ACYP2: variants seen among roughly 807,000 people sequenced by gnomAD.
ACYP2 encodes the protein acylphosphatase 2, also known as acylphosphatase-2.
ACYP2 carries 12 observed loss-of-function variants against 11.2 expected under a neutral mutation model. That is an observed-to-expected ratio of 1.08 (90% CI 0.69 to 1.74). ACYP2 has a LOEUF of 1.74. ACYP2 is among the 40% of genes most tolerant of loss of function. The pLI is 0.00. For synonymous variants in ACYP2, 43 were observed against 32.2 expected, an observed-to-expected ratio of 1.33 and a Z score of -1.13; for missense variants, 134 against 101.9, an observed-to-expected ratio of 1.31 and a Z score of -1.35.
At chr2:54,236,746 T>A (rs1686495324) in intron 6 of ACYP2, among the ~76,000 whole-genome samples, 1 of 152,202 alleles carries the variant, frequency 6.6e-6, no homozygotes, top group Non-Finnish European at 1.5e-5. Flanking sequence ...ATAAATTATC[T>A]GATATACCTG....
intron 2 of ACYP2, among the ~76,000 whole-genome samples, chr2:54,009,127 T>G (rs1443030065): frequency 6.6e-6 from 1 of 150,556 alleles, no homozygotes; most frequent in Non-Finnish European, 1.5e-5. Context: ...CACTCCAGTC[T>G]GGGCAACAGA....
At chr2:53,998,501 A>G (rs979376422) in intron 2 of ACYP2, among the ~76,000 whole-genome samples, 3 of 152,182 alleles carry the variant, frequency 2.0e-5, no homozygotes, top group East Asian at 3.9e-4. Flanking sequence ...GACCCAAAAT[A>G]TTAGTGACTT....
chr2:54,186,377 A>G (rs1252312523), intron 6 of ACYP2, among the ~76,000 whole-genome samples: 3 of 152,226 alleles, frequency 2.0e-5, no homozygotes, highest in Non-Finnish European at 2.9e-5. Context: ...TTGCAAGACT[A>G]ATTAACAGTA....
chr2:54,115,803 A>G, intron 4 of ACYP2, 47 bp downstream of exon 1: 2 of 1,534,888 alleles, frequency 1.3e-6, no homozygotes, highest in Non-Finnish European at 1.8e-6. Context: ...TATGGGAGGA[A>G]GGGGAGAAAG....
At chr2:54,262,064 T>C (rs1343003198) in intron 6 of ACYP2, among the ~76,000 whole-genome samples, 4 of 152,208 alleles carry the variant, frequency 2.6e-5, no homozygotes, top group Non-Finnish European at 5.9e-5. Flanking sequence ...GTAGCACTCA[T>C]AGAAAGAAAA....
At chr2:53,992,859 A>G (rs1011316012) in intron 2 of ACYP2, among the ~76,000 whole-genome samples, 2 of 150,798 alleles carry the variant, frequency 1.3e-5, no homozygotes, top group African/African-American at 4.9e-5. Flanking sequence ...TTTTCCAGTG[A>G]CGGGAAGCAA....
At chr2:53,992,673 A>G (rs1239211300) in intron 2 of ACYP2, among the ~76,000 whole-genome samples, 1 of 151,948 alleles carries the variant, frequency 6.6e-6, no homozygotes, top group East Asian at 1.9e-4. Context: ...TCTACTAAAA[A>G]TACAAAAATT....
At chr2:54,235,836 AAACC>A (rs753407080) in intron 6 of ACYP2, among the ~76,000 whole-genome samples, 3 of 152,208 alleles carry the variant, frequency 2.0e-5, no homozygotes, top group African/African-American at 4.8e-5. Context: ...CCCTGTCTCA[AAACC>A]AACCAACCAA....
intron 2 of ACYP2, among the ~76,000 whole-genome samples, chr2:54,046,863 AC>A (rs1249761151): frequency 1.3e-5 from 2 of 152,200 alleles, no homozygotes; most frequent in Non-Finnish European, 2.9e-5. Context: ...AAAAGAGTGA[AC>A]ATCTGAGTCT....
At chr2:54,113,360 A>G (rs1296565622) in intron 4 of ACYP2, among the ~76,000 whole-genome samples, 1 of 151,510 alleles carries the variant, frequency 6.6e-6, no homozygotes, top group East Asian at 1.9e-4. Context: ...CTCCCACCTC[A>G]GCCTCCCAAG....
intron 6 of ACYP2, among the ~76,000 whole-genome samples, chr2:54,226,249 T>A (rs902831289): frequency 1.3e-5 from 2 of 152,200 alleles, no homozygotes; most frequent in Non-Finnish European, 2.9e-5. Flanking sequence ...AAAAAATATT[T>A]AAATACCCAA....
At chr2:54,132,912 T>G (rs1558556111) in intron 4 of ACYP2, among the ~76,000 whole-genome samples, 1 of 151,992 alleles carries the variant, frequency 6.6e-6, no homozygotes. Context: ...GCCCAGCTAA[T>G]TTTTGTATTT....
intron 4 of ACYP2, among the ~76,000 whole-genome samples, chr2:54,097,238 T>C (rs1678642465): frequency 1.3e-5 from 2 of 152,220 alleles, no homozygotes; most frequent in South Asian, 4.1e-4. Flanking sequence ...CTCACAGCAC[T>C]TACCCACTTC....
chr2:54,242,542 A>G (rs950519441), intron 6 of ACYP2, among the ~76,000 whole-genome samples: 7 of 152,266 alleles, frequency 4.6e-5, no homozygotes, highest in African/African-American at 9.6e-5. Flanking sequence ...CATATGCCAC[A>G]TAATTCAACA....
At chr2:54,032,518 G>A (rs1674638672) in intron 2 of ACYP2, among the ~76,000 whole-genome samples, 1 of 152,138 alleles carries the variant, frequency 6.6e-6, no homozygotes, top group South Asian at 2.1e-4. Flanking sequence ...ATGCTGCTTT[G>A]GTTACTGTAG....
At chr2:54,155,154 C>A (rs868316345) in intron 6 of ACYP2, among the ~76,000 whole-genome samples, 1 of 151,882 alleles carries the variant, frequency 6.6e-6, no homozygotes, top group South Asian at 2.1e-4. Flanking sequence ...TCTTTTATTT[C>A]TCATTTTATT....
chr2:54,038,869 A>C (rs1404756629), intron 2 of ACYP2, among the ~76,000 whole-genome samples: 4 of 151,882 alleles, frequency 2.6e-5, no homozygotes, highest in African/African-American at 9.7e-5. Context: ...TCTGCAGGAA[A>C]AAAAAGTAAA....
intron 6 of ACYP2, among the ~76,000 whole-genome samples, chr2:54,256,483 G>A (rs1341123205): frequency 6.6e-6 from 1 of 152,094 alleles, no homozygotes; most frequent in East Asian, 1.9e-4. Context: ...TGCAGTATCC[G>A]AGGCTTCTCC....
chr2:54,050,151 C>A (rs1675763175), intron 2 of ACYP2, among the ~76,000 whole-genome samples: 1 of 151,938 alleles, frequency 6.6e-6, no homozygotes, highest in South Asian at 2.1e-4. Context: ...TCCTTAGGAC[C>A]TCATGATGCA....
Sources: gnomAD v4.1 joint callset for allele counts (sites outside exome capture counted in the v4.1 genomes callset) on GRCh38, gnomAD v4.1.1 for gene constraint, MANE v1.5 for transcripts, NCBI Gene and HGNC (gene_info 2026-07-23, HGNC 2026-07-21) for gene names.